TRIM9: variants seen among roughly 807,000 people sequenced by gnomAD.
TRIM9 encodes the protein E3 ubiquitin-protein ligase TRIM9.
In TRIM9, 26 loss-of-function variants were observed where a neutral mutation model predicts 78.3. That is an observed-to-expected ratio of 0.33 (90% confidence interval 0.24 to 0.46). The LOEUF is 0.46. TRIM9 is among the 20% of genes least tolerant of loss of function. TRIM9 has a pLI of 1.00. For missense variants in TRIM9, 787 were observed against 1,036.4 expected (o/e 0.76, Z 3.30); for synonymous variants, 398 against 416.5 (o/e 0.96, Z 0.54).
chr14:51,078,883 T>C (rs1159764169), intron 1 of TRIM9, among the ~76,000 whole-genome samples: 2 of 152,184 alleles, frequency 1.3e-5, no homozygotes, highest in Non-Finnish European at 2.9e-5. Flanking sequence ...GTTAAATAAG[T>C]AGATTTTAGC....
Position 51,025,319 on chromosome 14 carries a change from G to A in TRIM9, c.864C>T (p.Ala288=). 2 of 1,614,098 alleles carry A rather than the reference G, an allele frequency of 1.2e-6. No homozygotes were observed. Among genetic ancestry groups the A allele is most frequent in the Non-Finnish European group, 1.7e-6 (2 of 1,180,004 alleles). ...GTACCAGAAACTCCTTGGCTTCTTT[G>A]GCCCTGTCTGACAGTCCGTTCAGCG... is the stretch of plus-strand genomic sequence containing the variant. ...SQALNGLSDR[A]KEAKEFLVQL... is the part of the protein sequence containing the mutation. Residue 288 remains alanine, a synonymous_variant, in exon 2 of 13, where the codon GCC becomes GCT. Transcript: ENST00000684578.
At chr14:50,979,669 G>A (rs11844864) in intron 11 of TRIM9, 120 bp from the exon 12 acceptor site, 26 of 810,170 alleles carry the variant, frequency 3.2e-5, no homozygotes, top group Middle Eastern at 3.4e-4. Flanking sequence ...CCCCAAAACC[G>A]TTTCCCTAAT....
intron 1 of TRIM9, among the ~76,000 whole-genome samples, chr14:51,026,649 C>T (rs755286698): frequency 1.1e-4 from 16 of 152,146 alleles, no homozygotes; most frequent in Admixed American, 2.0e-4. Context: ...GCTGTGAATG[C>T]TTTTCTCTTA....
chr14:50,984,323 A>C (rs2052412823), intron 8 of TRIM9, among the ~76,000 whole-genome samples: 1 of 152,252 alleles, frequency 6.6e-6, no homozygotes, highest in Admixed American at 6.5e-5. Flanking sequence ...TGCTGACTTA[A>C]AAGAATTTTA....
intron 1 of TRIM9, among the ~76,000 whole-genome samples, chr14:51,061,496 A>G (rs1243178814): frequency 6.6e-6 from 1 of 151,580 alleles, no homozygotes; most frequent in African/African-American, 2.4e-5. Flanking sequence ...ATACATGTAC[A>G]ATTTTTTCCT....
intron 1 of TRIM9, among the ~76,000 whole-genome samples, chr14:51,082,652 A>T (rs953866023): frequency 5.3e-5 from 8 of 152,274 alleles, no homozygotes; most frequent in African/African-American, 1.9e-4. Context: ...TCTTTTTGGG[A>T]TGATAAAAAT....
chr14:51,063,613 C>G (rs2061511906), intron 1 of TRIM9, among the ~76,000 whole-genome samples: 1 of 151,890 alleles, frequency 6.6e-6, no homozygotes, highest in Non-Finnish European at 1.5e-5. Flanking sequence ...GACATATATA[C>G]AGGGGAGTGA....
chr14:51,000,765 G>A lies in TRIM9; in HGVS notation c.1382C>T (p.Ser461Phe). 6.2e-7 allele frequency: 1 copy of A among 1,614,202 alleles called. No homozygotes were observed. Among genetic ancestry groups the A allele is most frequent in the South Asian group, 1.1e-5 (1 of 91,080 alleles). Residue 461 changes from serine to phenylalanine, a missense_variant, in exon 6 of 13, where the codon TCC becomes TTC. Physicochemically the swap from Ser to Phe is radical, Grantham distance 155 (BLOSUM62 -2). This residue lies in a region of TRIM9 where 421 missense variants were observed against 514.3 expected (regional missense o/e 0.82). Coordinates refer to ENST00000684578, the MANE Select transcript of TRIM9 (RefSeq NM_001387360.1). Reference protein sequence around the residue: ...CCTHNNSATLSWKQPPLSTVP... With the variant: ...CCTHNNSATLFWKQPPLSTVP... ...CGTGGACAGAGGTGGCTGTTTCCAG[G>A]ACAACGTAGCGCTGTTGTTGTGGGT...
intron 11 of TRIM9, 57 bp from the exon 12 acceptor site, chr14:50,979,606 C>T: frequency 1.4e-6 from 2 of 1,464,650 alleles, no homozygotes; most frequent in Non-Finnish European, 9.4e-7. Flanking sequence ...TAGAAGCTCC[C>T]CCCTTTTGTG....
At chr14:51,074,026 C>T (rs990412215) in intron 1 of TRIM9, among the ~76,000 whole-genome samples, 2 of 152,170 alleles carry the variant, frequency 1.3e-5, no homozygotes, top group East Asian at 3.8e-4. Context: ...CAGAGCTTTC[C>T]ACGTTTGCCA....
intron 3 of TRIM9, among the ~76,000 whole-genome samples, chr14:51,019,223 C>G (rs1953874): frequency 0.86 from 131,039 of 152,234 alleles, 56,733 homozygotes; most frequent in African/African-American, 0.93. Flanking sequence ...GTGCTCTGCT[C>G]ACTGTTGGAA....
intron 1 of TRIM9, among the ~76,000 whole-genome samples, chr14:51,076,224 A>G (rs1427854685): frequency 4.6e-5 from 7 of 152,228 alleles, no homozygotes; most frequent in African/African-American, 1.7e-4. Flanking sequence ...TGAGATTTTC[A>G]GGCTCCAAAG....
At chr14:51,006,839 C>T (rs2055866741) in intron 5 of TRIM9, among the ~76,000 whole-genome samples, 1 of 152,082 alleles carries the variant, frequency 6.6e-6, no homozygotes, top group Non-Finnish European at 1.5e-5. Flanking sequence ...CTTGAACAGA[C>T]TGGACAAACA....
At chr14:51,066,025 G>A (rs8016963) in intron 1 of TRIM9, among the ~76,000 whole-genome samples, 29,116 of 147,836 alleles carry the variant, frequency 0.2, 3,040 homozygotes, top group Non-Finnish European at 0.23. Flanking sequence ...TTTCATTGGC[G>A]TGCAAGCAGG....
chr14:50,983,411 A>C lies in TRIM9; in HGVS notation c.1803T>G (p.Phe601Leu), dbSNP rs952574845. The change falls in exon 9 of 13, where the codon TTT (phenylalanine) becomes TTG (leucine). Residue 601 changes from phenylalanine (F) to leucine (L), a missense_variant. Coordinates refer to ENST00000684578, the MANE Select transcript of TRIM9 (RefSeq NM_001387360.1). ...GAGAGTAAGGTGCAGATTGTGTCTC[A>C]AAATTGCATCCTATAAAGAGATACT... ...LQSLNAPGCN[F>L]ETQSAPYSQL... The C allele has an allele frequency of 3.8e-5, 58 of 1,543,146 alleles. No individual in the cohort carries two copies. The highest frequency in any genetic ancestry group is 4.8e-5 in the Non-Finnish European group (55 of 1,142,740).
intron 1 of TRIM9, among the ~76,000 whole-genome samples, chr14:51,086,967 C>T (rs1370132341): frequency 6.6e-6 from 1 of 152,146 alleles, no homozygotes; most frequent in Non-Finnish European, 1.5e-5. Context: ...AGAAAACTCC[C>T]TCTCTACAGT....
chr14:50,984,495 T>C (rs965044050), intron 8 of TRIM9, among the ~76,000 whole-genome samples: 2 of 152,248 alleles, frequency 1.3e-5, no homozygotes, highest in African/African-American at 4.8e-5. Context: ...TTTTTATGTT[T>C]TGTTTCTATC....
chr14:51,003,920 A>G (rs971045012), intron 5 of TRIM9, among the ~76,000 whole-genome samples: 3 of 152,232 alleles, frequency 2.0e-5, no homozygotes. Flanking sequence ...GACATTCTAG[A>G]AAAATATATT....
intron 6 of TRIM9, among the ~76,000 whole-genome samples, chr14:50,999,433 GA>G: frequency 6.6e-6 from 1 of 152,062 alleles, no homozygotes; most frequent in East Asian, 1.9e-4. Context: ...CCTTATCTTG[GA>G]AAGAAAGAAA....
Sources: gnomAD v4.1 joint callset for allele counts (sites outside exome capture counted in the v4.1 genomes callset) on GRCh38, gnomAD v4.1.1 for gene constraint, gnomAD v4.1.1 regional missense constraint, MANE v1.5 for transcripts, NCBI Gene and HGNC (gene_info 2026-07-23, HGNC 2026-07-21) for gene names.